NRXN1: variants seen among roughly 807,000 people sequenced by gnomAD.
NRXN1 encodes neurexin-1.
In NRXN1, 39 loss-of-function variants were observed where a neutral mutation model predicts 150.9. The ratio of observed to expected loss-of-function variants is 0.26; its 90% CI spans 0.20 to 0.34. The LOEUF is 0.34. Ranked by LOEUF, NRXN1 falls within the 10% of genes least tolerant of loss-of-function variation. NRXN1 has a pLI of 1.00. For synonymous variants in NRXN1, 924 were observed against 757.0 expected (o/e 1.22, Z -3.62); for missense variants, 1,815 against 1,949.9 (o/e 0.93, Z 1.30).
chr2:50,790,628 G>C (rs1301304078), intron 5 of NRXN1, among the ~76,000 whole-genome samples: 1 of 152,142 alleles, frequency 6.6e-6, no homozygotes, highest in East Asian at 1.9e-4. Flanking sequence ...TCCTTTGGAA[G>C]CAAAACCATA....
In NRXN1 at chr2:50,320,285, TATA is replaced by T. The variant is rs2075924073; in HGVS notation, c.3365-83318_3365-83316del. Among the ~76,000 whole-genome samples, 297 of 57,666 alleles carry T rather than the reference TATA, an allele frequency of 5.2e-3. 9 individuals are homozygous for T. Among genetic ancestry groups the T allele is most frequent in the African/African-American group, 0.016 (256 of 15,666 alleles). The allele number at this position is 57,666 out of a possible 152,430, so 37.8% of individuals were successfully genotyped here. Reference sequence around the variant, plus strand: ...TTCATTTATTCTTATACCTCAATCATATATATATATATATATATATATATATAT... The same window carrying T: ...TTCATTTATTCTTATACCTCAATCATTATATATATATATATATATATATAT... On this transcript the variant is annotated intron_variant, in intron 17 of 22. Transcript: ENST00000401669.
chr2:50,024,739 T>G (rs1429432906), intron 21 of NRXN1, among the ~76,000 whole-genome samples: 1 of 152,054 alleles, frequency 6.6e-6, no homozygotes, highest in Non-Finnish European at 1.5e-5. Flanking sequence ...CTCAGCCTCC[T>G]GAGTAGCTGA....
intron 10 of NRXN1, 64 bp from the exon 11 acceptor site, chr2:50,531,494 G>A: frequency 8.1e-7 from 1 of 1,234,176 alleles, no homozygotes; most frequent in South Asian, 1.3e-5. Context: ...CTTTAAAGAG[G>A]AAAAGGATCA....
intron 17 of NRXN1, among the ~76,000 whole-genome samples, chr2:50,359,382 A>G (rs2079033276): frequency 1.3e-5 from 2 of 151,918 alleles, no homozygotes; most frequent in Admixed American, 1.3e-4. Flanking sequence ...ACAAATTGCT[A>G]ATTAGAATAA....
At chr2:50,820,362 T>C (rs1420194831) in intron 5 of NRXN1, among the ~76,000 whole-genome samples, 1 of 152,160 alleles carries the variant, frequency 6.6e-6, no homozygotes, top group Non-Finnish European at 1.5e-5. Context: ...ATCTCATTGC[T>C]TGAGTGATTT....
intron 8 of NRXN1, among the ~76,000 whole-genome samples, chr2:50,573,372 A>C (rs1670940612): frequency 6.6e-6 from 1 of 152,060 alleles, no homozygotes; most frequent in Admixed American, 6.6e-5. Context: ...TTAAAAAAAA[A>C]AAACGGAATC....
At chr2:50,145,068 T>A (rs2152764382) in intron 18 of NRXN1, among the ~76,000 whole-genome samples, 2 of 151,878 alleles carry the variant, frequency 1.3e-5, no homozygotes, top group South Asian at 4.1e-4. Flanking sequence ...AATGCCATGT[T>A]AACAAATATA....
chr2:49,943,642 A>C, intron 22 of NRXN1, 62 bp downstream of exon 22: 1 of 1,116,464 alleles, frequency 9.0e-7, no homozygotes, highest in Non-Finnish European at 1.3e-6. Flanking sequence ...CCTTCTAAGG[A>C]ATATAACATG....
intron 2 of NRXN1, among the ~76,000 whole-genome samples, chr2:50,927,914 A>T (rs535311642): frequency 3.0e-4 from 46 of 152,060 alleles, no homozygotes; most frequent in African/African-American, 9.4e-4. Flanking sequence ...CAACAAAATG[A>T]AACAGGCCCA....
intron 19 of NRXN1, among the ~76,000 whole-genome samples, chr2:50,084,471 C>T (rs903198878): frequency 2.6e-5 from 4 of 152,218 alleles, no homozygotes; most frequent in African/African-American, 9.6e-5. Context: ...CCATCACTGC[C>T]GGGGCCCACA....
At chr2:50,588,872 T>C (rs1470527090) in intron 8 of NRXN1, 1 of 152,142 alleles carries the variant, frequency 6.6e-6, no homozygotes, top group East Asian at 1.9e-4. Context: ...GGAGGTGAAG[T>C]AGGCTCGTGT....
intron 18 of NRXN1, among the ~76,000 whole-genome samples, chr2:50,212,519 A>G (rs2063108278): frequency 6.6e-6 from 1 of 151,650 alleles, no homozygotes. Context: ...CCAAACTTAG[A>G]AGTTTTTGAT....
At chr2:50,317,545 A>C (rs1201893511) in intron 17 of NRXN1, among the ~76,000 whole-genome samples, 1 of 152,020 alleles carries the variant, frequency 6.6e-6, no homozygotes, top group African/African-American at 2.4e-5. Flanking sequence ...AATGAGGTTA[A>C]AATAAAGCTA....
At chr2:50,513,941 A>G (rs1279042343) in intron 12 of NRXN1, among the ~76,000 whole-genome samples, 2 of 152,182 alleles carry the variant, frequency 1.3e-5, no homozygotes, top group African/African-American at 4.8e-5. Flanking sequence ...AGTGGTGCAT[A>G]TATTTTAAAG....
At chr2:50,616,432 G>A (rs1324156729) in intron 8 of NRXN1, 2 of 152,128 alleles carry the variant, frequency 1.3e-5, no homozygotes, top group African/African-American at 2.4e-5. Flanking sequence ...GACCTAAGTT[G>A]CTTCTAAGGA....
rs188086142 is a variant in NRXN1 at position 50,297,869 on chromosome 2, A to T, written c.3365-60899T>A. Among the ~76,000 whole-genome samples, 348 of 152,272 alleles carry T rather than the reference A, an allele frequency of 2.3e-3. 2 individuals carry two copies. Among genetic ancestry groups the T allele is most frequent in the African/African-American group, 7.9e-3 (328 of 41,558 alleles). On this transcript the variant is annotated intron_variant, in intron 17 of 22. Coordinates refer to ENST00000401669, the MANE Select transcript of NRXN1 (RefSeq NM_001330078.2). ...GGTTTTAAAGGATGCATAGGAGTTC[A>T]ACCATGTATAAGGGCAACATGGGTG...
chr2:51,026,500 A>C (rs778168534), intron 2 of NRXN1: 11 of 1,465,086 alleles, frequency 7.5e-6, no homozygotes, highest in Non-Finnish European at 1.0e-5. Flanking sequence ...CTTAGGTATG[A>C]CTTTTGTAGT....
chr2:50,191,177 T>C (rs1267121957), intron 18 of NRXN1, among the ~76,000 whole-genome samples: 1 of 150,630 alleles, frequency 6.6e-6, no homozygotes, highest in Non-Finnish European at 1.5e-5. Flanking sequence ...TACAGGCACA[T>C]GCCATCATGC....
chr2:49,970,042 C>T (rs189267682), intron 21 of NRXN1: 4 of 151,952 alleles, frequency 2.6e-5, no homozygotes, highest in African/African-American at 4.8e-5. Flanking sequence ...TTTTGGCTCC[C>T]CAAAATAATA....
Sources: gnomAD v4.1 joint callset for allele counts (sites outside exome capture counted in the v4.1 genomes callset) on GRCh38, gnomAD v4.1.1 for gene constraint, MANE v1.5 for transcripts, NCBI Gene and HGNC (gene_info 2026-07-23, HGNC 2026-07-21) for gene names.